Variants in HOOK3 observed in about 807,000 individuals in gnomAD.
HOOK3 encodes the protein hook microtubule tethering protein 3, also known as protein Hook homolog 3.
A neutral mutation model predicts 116.3 loss-of-function variants in HOOK3; 24 were observed. That is an observed-to-expected ratio of 0.21 (90% confidence interval 0.15 to 0.29). HOOK3 has a LOEUF of 0.29. Ranked by LOEUF, HOOK3 falls within the 10% of genes least tolerant of loss-of-function variation. The pLI, the probability that HOOK3 is intolerant of heterozygous loss-of-function variation, is 1.00. For synonymous variants in HOOK3, 275 were observed against 283.0 expected, an observed-to-expected ratio of 0.97 and a Z score of 0.28; for missense variants, 632 against 830.2, an observed-to-expected ratio of 0.76 and a Z score of 2.93.
chr8:43,007,153 G>A (rs1333490932), intron 17 of HOOK3, among the ~76,000 whole-genome samples: 1 of 151,310 alleles, frequency 6.6e-6, no homozygotes, highest in Admixed American at 6.6e-5. Flanking sequence ...ATGTAGCTGG[G>A]ATTACAAGCA....
intron 4 of HOOK3, 85 bp downstream of exon 4, chr8:42,930,257 C>T: frequency 8.4e-7 from 1 of 1,185,572 alleles, no homozygotes; most frequent in Non-Finnish European, 1.1e-6. Context: ...GGAAAAATTG[C>T]TTTCAAAATT....
chr8:42,933,350 A>G (rs1025682572), intron 4 of HOOK3, among the ~76,000 whole-genome samples: 3 of 152,242 alleles, frequency 2.0e-5, no homozygotes, highest in Non-Finnish European at 4.4e-5. Context: ...GGCCAGATTC[A>G]TTTTGGAATT....
At position 42,997,654 on chromosome 8, in the gene HOOK3, AC is replaced by A; in HGVS notation, c.1620+19del. 7.8e-7 allele frequency: 1 copy of A among 1,287,534 alleles called. No individual in the cohort carries two copies. The highest frequency in any genetic ancestry group is 1.1e-6 in the Non-Finnish European group (1 of 882,520). The allele number at this position is 1,287,534 out of a possible 1,614,324, so 79.8% of individuals were successfully genotyped here. ...GCAGAAGATGTAAGTTTTAATATGTACCAACGATGGTCCATCAGTTTCACAA... is the reference window on the plus strand; with the variant it reads ...GCAGAAGATGTAAGTTTTAATATGTACAACGATGGTCCATCAGTTTCACAA... On this transcript the variant is annotated intron_variant, in intron 16 of 21. Coordinates refer to ENST00000307602, the MANE Select transcript of HOOK3 (RefSeq NM_032410.4).
At chr8:42,933,387 TAAC>T (rs1807907292) in intron 4 of HOOK3, among the ~76,000 whole-genome samples, 1 of 152,214 alleles carries the variant, frequency 6.6e-6, no homozygotes, top group Non-Finnish European at 1.5e-5. Flanking sequence ...TTTGGAAAGG[TAAC>T]ATGATGCATA....
rs1809809238 is a variant in HOOK3 at position 43,020,693 on chromosome 8, G to A, written c.*2195G>A. On this transcript the variant is annotated 3_prime_UTR_variant, in exon 22 of 22. Transcript: ENST00000307602. Reference sequence around the variant, plus strand: ...CGCACCACTGCATTCCAGCCTGGGCGACAGAGTGAGACTCTGTCTCAATCA... The same window carrying A: ...CGCACCACTGCATTCCAGCCTGGGCAACAGAGTGAGACTCTGTCTCAATCA... 5.7e-6 allele frequency: 1 copy of A among 175,600 alleles called. No individual in the cohort carries two copies. Among genetic ancestry groups the A allele is most frequent in the East Asian group, 9.8e-5 (1 of 10,216 alleles). The allele number at this position is 175,600 out of a possible 1,614,324, so 10.9% of individuals were successfully genotyped here. A position where few individuals can be genotyped will look rare whatever the true frequency, so the allele number is the denominator to read the frequency against.
chr8:42,965,402 C>T (rs1231240375), intron 9 of HOOK3, among the ~76,000 whole-genome samples: 1 of 151,680 alleles, frequency 6.6e-6, no homozygotes, highest in Non-Finnish European at 1.5e-5. Flanking sequence ...AAAGGACAGG[C>T]GAGATTTAAA....
chr8:43,000,264 G>C, intron 16 of HOOK3: 2 of 1,286,422 alleles, frequency 1.6e-6, no homozygotes, highest in Non-Finnish European at 2.0e-6. Flanking sequence ...CATGGTTTCT[G>C]CTCAAGGCTA....
At chr8:42,999,704 A>C (rs2130470694) in intron 16 of HOOK3, among the ~76,000 whole-genome samples, 1 of 152,244 alleles carries the variant, frequency 6.6e-6, no homozygotes, top group African/African-American at 2.4e-5. Context: ...TATTATTTTT[A>C]TGTAATTTGT....
chr8:42,951,911 A>T (rs1223873578), intron 6 of HOOK3, among the ~76,000 whole-genome samples: 1 of 152,084 alleles, frequency 6.6e-6, no homozygotes, highest in Admixed American at 6.6e-5. Flanking sequence ...ACTGTACTCC[A>T]GCGTGGCGAC....
chr8:43,022,580 G>A lies in HOOK3; in HGVS notation c.*4082G>A. On this transcript the variant is annotated 3_prime_UTR_variant, in exon 22 of 22. Transcript: ENST00000307602. ...ATGTTCCACAGTGTGTATTTCAGAA[G>A]TTTGTAATCCAGAAAATATAGTAGT... 1 of 186,856 alleles carries A rather than the reference G, an allele frequency of 5.4e-6. No homozygotes were observed. The highest frequency in any genetic ancestry group is 1.1e-5 in the Non-Finnish European group (1 of 88,524). The allele number at this position is 186,856 out of a possible 1,614,324, so 11.6% of individuals were successfully genotyped here.
At position 42,897,177 on chromosome 8, in the gene HOOK3, C is replaced by A; in HGVS notation, c.46C>A (p.Leu16Ile). 8.0e-7 allele frequency: 1 copy of A among 1,248,170 alleles called. No individual in the cohort carries two copies. The highest frequency in any genetic ancestry group is 4.0e-5 in the South Asian group (1 of 24,918). The allele number at this position is 1,248,170 out of a possible 1,614,324, so 77.3% of individuals were successfully genotyped here. Residue 16 changes from leucine (L) to isoleucine (I), a missense_variant, in exon 1 of 22, where the codon CTC (leucine) becomes ATC (isoleucine). Physicochemically the swap from Leu to Ile is conservative, Grantham distance 5 (BLOSUM62 2). Transcript: ENST00000307602. Reference protein sequence around the residue: ...SLERAELCESLLTWIQTFNVD... With the variant: ...SLERAELCESILTWIQTFNVD... ...GGAGCGGGCGGAGCTGTGCGAGAGC[C>A]TCCTCACTTGGGTACGTGGGGGCCG...
intron 19 of HOOK3, among the ~76,000 whole-genome samples, chr8:43,012,386 T>A (rs932536684): frequency 6.6e-6 from 1 of 152,202 alleles, no homozygotes; most frequent in Non-Finnish European, 1.5e-5. Flanking sequence ...CTTTTTCAGC[T>A]CCTTATAATC....
rs569231289 is a variant in HOOK3, at chr8:42,918,162, AC to A, written c.144-7392del. 1.7e-3 allele frequency among the ~76,000 whole-genome samples: 263 copies of A among 152,200 alleles called. 2 individuals are homozygous for A. The highest frequency in any genetic ancestry group is 4.0e-4 in the Non-Finnish European group (27 of 68,012). On this transcript the variant is annotated intron_variant, in intron 2 of 21. Transcript: ENST00000307602. Reference sequence around the variant, plus strand: ...AGACCAGCCTGGCCAACATGGTGAAACCCTGTCTCTACTAAAAATGCAAAAA... The same window carrying A: ...AGACCAGCCTGGCCAACATGGTGAAACCTGTCTCTACTAAAAATGCAAAAA...
At chr8:42,936,619 A>G (rs988008492) in intron 4 of HOOK3, among the ~76,000 whole-genome samples, 1 of 152,170 alleles carries the variant, frequency 6.6e-6, no homozygotes, top group Non-Finnish European at 1.5e-5. Flanking sequence ...AATTTTATCG[A>G]AGGCCTTTTC....
intron 13 of HOOK3, among the ~76,000 whole-genome samples, chr8:42,978,227 TAAG>T (rs748806153): frequency 2.0e-5 from 3 of 152,218 alleles, no homozygotes; most frequent in Non-Finnish European, 4.4e-5. Flanking sequence ...TATTCTTTCT[TAAG>T]AAGATATCAG....
intron 15 of HOOK3, among the ~76,000 whole-genome samples, chr8:42,992,572 T>C (rs1240474618): frequency 6.6e-6 from 1 of 151,350 alleles, no homozygotes; most frequent in Non-Finnish European, 1.5e-5. Flanking sequence ...AAAAATTAGC[T>C]GGGTGTGGTG....
intron 15 of HOOK3, among the ~76,000 whole-genome samples, chr8:42,988,996 T>C (rs1809102909): frequency 6.6e-6 from 1 of 151,678 alleles, no homozygotes; most frequent in South Asian, 2.1e-4. Flanking sequence ...TACAGTTTGC[T>C]CACTGCCCAT....
intron 17 of HOOK3, among the ~76,000 whole-genome samples, chr8:43,002,438 G>A (rs1809398107): frequency 1.3e-5 from 2 of 152,300 alleles, no homozygotes; most frequent in Middle Eastern, 3.4e-3. Flanking sequence ...TCTATAAGGG[G>A]TCAGATAGTA....
chr8:42,989,923 C>A (rs1007647775), intron 15 of HOOK3, among the ~76,000 whole-genome samples: 1 of 152,164 alleles, frequency 6.6e-6, no homozygotes, highest in Non-Finnish European at 1.5e-5. Context: ...GGATTTCATT[C>A]TTTTTTATGG....
Sources: gnomAD v4.1 joint callset for allele counts (sites outside exome capture counted in the v4.1 genomes callset) on GRCh38, gnomAD v4.1.1 for gene constraint, MANE v1.5 for transcripts, NCBI Gene and HGNC (gene_info 2026-07-23, HGNC 2026-07-21) for gene names.